Variants in KCNN4 observed in about 807,000 individuals in gnomAD.
KCNN4 encodes the protein intermediate conductance calcium-activated potassium channel protein 4.
Under a neutral mutation model 45.2 loss-of-function variants are expected in KCNN4, and 31 were observed. The ratio of observed to expected loss-of-function variants is 0.69; its 90% CI spans 0.52 to 0.92. KCNN4 has a LOEUF of 0.92. KCNN4 is among the 40% of genes least tolerant of loss of function. The pLI is 0.00. For synonymous variants in KCNN4, 231 were observed against 254.6 expected (o/e 0.91, Z 0.88); for missense variants, 463 against 574.0 (o/e 0.81, Z 1.98).
chr19:43,778,589 T>G (rs984556813), intron 1 of KCNN4, among the ~76,000 whole-genome samples: 2 of 152,210 alleles, frequency 1.3e-5, no homozygotes, highest in African/African-American at 4.8e-5. Flanking sequence ...GGTGGATTTC[T>G]CAGTAGCTTG....
chr19:43,779,339 CA>C (rs1260344412), intron 1 of KCNN4, among the ~76,000 whole-genome samples: 1 of 152,158 alleles, frequency 6.6e-6, no homozygotes, highest in African/African-American at 2.4e-5. Context: ...TTCCTGTTGG[CA>C]TGGACTTCGG....
Position 43,769,348 on chromosome 19 carries a change from TG to T in KCNN4, c.1049+93del. On this transcript the variant is annotated intron_variant, in intron 6 of 8. Transcript: ENST00000648319. The surrounding 1 kb of genome is among the most constrained non-coding windows in gnomAD (Gnocchi z 4.4). ...GAGACCACACCTGGGTGTCCTGACC[TG>T]GACAGGCATGGACATGCACACACAC... The T allele has an allele frequency of 2.0e-6, 2 of 1,005,528 alleles. No individual in the cohort carries two copies. The highest frequency in any genetic ancestry group is 3.1e-6 in the Non-Finnish European group (2 of 646,068). 62.3% of individuals were successfully genotyped at this position (1,005,528 alleles called of 1,614,324 possible). A position where few individuals can be genotyped will look rare whatever the true frequency, so the allele number is the denominator to read the frequency against.
chr19:43,776,714 AC>A, intron 1 of KCNN4, 78 bp from the exon 2 acceptor site: 1 of 885,018 alleles, frequency 1.1e-6, no homozygotes, highest in Non-Finnish European at 1.8e-6. Context: ...CTTCAAAACC[AC>A]CATTTTTTTT....
At chr19:43,770,241 C>T (rs375575499) in intron 4 of KCNN4, among the ~76,000 whole-genome samples, 4 of 152,102 alleles carry the variant, frequency 2.6e-5, no homozygotes, top group African/African-American at 9.7e-5. Flanking sequence ...CGTCTCCAGC[C>T]TCCCACTCAT....
At chr19:43,771,596 C>T (rs1730161394) in intron 4 of KCNN4, among the ~76,000 whole-genome samples, 1 of 152,136 alleles carries the variant, frequency 6.6e-6, no homozygotes, top group Non-Finnish European at 1.5e-5. Flanking sequence ...GCTGCGAAGT[C>T]AGGAGCCTGG....
At chr19:43,770,586 C>T (rs577209573) in intron 4 of KCNN4, among the ~76,000 whole-genome samples, 169 of 152,310 alleles carry the variant, frequency 1.1e-3, no homozygotes, top group African/African-American at 3.9e-3. Context: ...CAGTCACAAA[C>T]GCTGGCTCCA....
intron 2 of KCNN4, among the ~76,000 whole-genome samples, chr19:43,776,307 C>T (rs962709555): frequency 3.4e-5 from 5 of 147,572 alleles, no homozygotes; most frequent in Non-Finnish European, 5.9e-5. Context: ...TCTCAGCATC[C>T]GTGAGTGTGC....
Position 43,780,911 on chromosome 19 carries a change from C to T in KCNN4, c.-50G>A. 1.3e-6 allele frequency: 2 copies of T among 1,591,378 alleles called. No individual in the cohort carries two copies. Among genetic ancestry groups the T allele is most frequent in the African/African-American group, 2.7e-5 (2 of 74,618 alleles). On this transcript the variant is annotated 5_prime_UTR_variant, in exon 1 of 9. It adds an upstream start codon to the 5' untranslated region. Transcript: ENST00000648319. ...CCAGCTTCCTGCCCAGGGTCCCCCA[C>T]CTCGCAGCACGCACAGGGCAGCCAC...
At chr19:43,767,211 G>A (rs747982079) in intron 8 of KCNN4, 122 bp from the exon 9 acceptor site, 46 of 262,890 alleles carry the variant, frequency 1.7e-4, no homozygotes, top group Non-Finnish European at 2.6e-4. Flanking sequence ...AGGTGTTTCC[G>A]GGCCCCGAGG....
At chr19:43,778,634 CTCTA>C (rs1056766185) in intron 1 of KCNN4, among the ~76,000 whole-genome samples, 3 of 152,168 alleles carry the variant, frequency 2.0e-5, no homozygotes, top group Non-Finnish European at 4.4e-5. Context: ...AGCTGTACTT[CTCTA>C]TCTTTCTGCA....
chr19:43,771,445 G>A (rs920295516), intron 4 of KCNN4, among the ~76,000 whole-genome samples: 1 of 152,248 alleles, frequency 6.6e-6, no homozygotes, highest in South Asian at 2.1e-4. Context: ...CACGTGGCTC[G>A]CCTGAGCTCC....
intron 8 of KCNN4, 87 bp downstream of exon 8, chr19:43,767,453 A>G (rs1324437329): frequency 2.0e-6 from 3 of 1,477,998 alleles, no homozygotes; most frequent in East Asian, 4.9e-5. Flanking sequence ...TCTCCCAGCC[A>G]TCCCCCGCCC....
Position 43,769,060 on chromosome 19 carries a change from T to C in KCNN4, c.1050-28A>G. The C allele has an allele frequency of 6.2e-7, 1 of 1,612,690 alleles. No homozygotes were observed. Among genetic ancestry groups the C allele is most frequent in the Middle Eastern group, 1.6e-4 (1 of 6,062 alleles). On this transcript the variant is annotated intron_variant, in intron 6 of 8. Coordinates refer to ENST00000648319, the MANE Select transcript of KCNN4 (RefSeq NM_002250.3). This position sits in a 1 kb window ranked among gnomAD's most constrained non-coding sequence, Gnocchi z 4.4. Reference sequence around the variant, plus strand: ...GTGGGAAGAAGTGGGGAGTCAGTTTTACAAGCCTGGTCCCTGAATGTAGCT... The same window carrying C: ...GTGGGAAGAAGTGGGGAGTCAGTTTCACAAGCCTGGTCCCTGAATGTAGCT...
chr19:43,780,971 TCTGG>T, exon 1 of KCNN4: 8 of 1,143,550 alleles, frequency 7.0e-6, no homozygotes, highest in Non-Finnish European at 8.8e-6. Context: ...CTCTGCTGGC[TCTGG>T]GACTTTTGCT....
rs1969732198 is a variant in KCNN4, at chr19:43,774,364, T to C, written c.511A>G (p.Ser171Gly). The change falls in exon 3 of 9, where the codon AGC becomes GGC. Residue 171 changes from serine to glycine, a missense_variant. Ser to Gly is a moderately conservative substitution (Grantham distance 56, BLOSUM62 0). This residue lies in a region of KCNN4 where 225 missense variants were observed against 240.9 expected (regional missense o/e 0.93). Transcript: ENST00000648319. This position sits in a 1 kb window ranked among gnomAD's most constrained non-coding sequence, Gnocchi z 5.6. ...YLVPRAVLLRSGVLLNASYRS... is the reference protein window; with the variant it reads ...YLVPRAVLLRGGVLLNASYRS... ...TAGGAAGCGTTGAGCAGGACGCCGCTGCGCAGGAGCACGGCGCGGGGCACC... is the reference window on the plus strand; with the variant it reads ...TAGGAAGCGTTGAGCAGGACGCCGCCGCGCAGGAGCACGGCGCGGGGCACC... 2 of 1,607,958 alleles carry C rather than the reference T, an allele frequency of 1.2e-6. No individual in the cohort carries two copies. Among genetic ancestry groups the C allele is most frequent in the Non-Finnish European group, 1.7e-6 (2 of 1,177,352 alleles).
rs571190327 is a variant in KCNN4, at chr19:43,766,879, T to C, written c.*214A>G. 1 of 153,472 alleles carries C rather than the reference T, an allele frequency of 6.5e-6. No individual in the cohort carries two copies. The highest frequency in any genetic ancestry group is 2.0e-4 in the South Asian group (1 of 4,926). The allele number at this position is 153,472 out of a possible 1,614,324, so 9.5% of individuals were successfully genotyped here. A position where few individuals can be genotyped will look rare whatever the true frequency, so the allele number is the denominator to read the frequency against. ...AGGGTATGCAGAGTGGGGGTGACCA[T>C]GTTCCCACCTGGGGCCTCAGGTGGG... On this transcript the variant is annotated 3_prime_UTR_variant, in exon 9 of 9. Transcript: ENST00000648319.
chr19:43,780,927 G>A lies in KCNN4; in HGVS notation c.-66C>T. The A allele has an allele frequency of 6.5e-7, 1 of 1,538,090 alleles. No homozygotes were observed. Among genetic ancestry groups the A allele is most frequent in the South Asian group, 1.1e-5 (1 of 88,174 alleles). ...GGTCCCCCACCTCGCAGCACGCACA[G>A]GGCAGCCACTGTGGCTTGCAGGTCG... On this transcript the variant is annotated 5_prime_UTR_variant, in exon 1 of 9. Coordinates refer to ENST00000648319, the MANE Select transcript of KCNN4 (RefSeq NM_002250.3).
rs954087453 is a variant in KCNN4 at position 43,769,252 on chromosome 19, T to C, written c.1049+190A>G. On this transcript the variant is annotated intron_variant, in intron 6 of 8. Coordinates refer to ENST00000648319, the MANE Select transcript of KCNN4 (RefSeq NM_002250.3). This position sits in a 1 kb window ranked among gnomAD's most constrained non-coding sequence, Gnocchi z 4.4. Reference sequence around the variant, plus strand: ...CCAGGTCCGCAGACACACCGAGATATGCGGAGACAAACCAGCACAGACACA... The same window carrying C: ...CCAGGTCCGCAGACACACCGAGATACGCGGAGACAAACCAGCACAGACACA... The C allele has an allele frequency of 3.0e-6, 2 of 667,234 alleles. No individual in the cohort carries two copies. Among genetic ancestry groups the C allele is most frequent in the Non-Finnish European group, 2.6e-6 (1 of 383,146 alleles). The allele number at this position is 667,234 out of a possible 1,614,324, so 41.3% of individuals were successfully genotyped here.
At chr19:43,778,156 G>T (rs191514071) in intron 1 of KCNN4, among the ~76,000 whole-genome samples, 2 of 152,196 alleles carry the variant, frequency 1.3e-5, no homozygotes, top group African/African-American at 2.4e-5. Context: ...CTGCACTTGG[G>T]CCTGTACTCT....
Sources: allele counts gnomAD v4.1 joint callset (sites outside exome capture counted in the v4.1 genomes callset), GRCh38; gene constraint gnomAD v4.1.1; regional missense constraint gnomAD v4.1.1; non-coding constraint Gnocchi (gnomAD v3.1); transcripts MANE v1.5; gene names NCBI Gene and HGNC (gene_info 2026-07-23, HGNC 2026-07-21).